PHF21B: variants seen among roughly 807,000 people sequenced by gnomAD.
The protein encoded by PHF21B is PHD finger protein 4.
In PHF21B, 22 loss-of-function variants were observed where a neutral mutation model predicts 62.2. The observed-to-expected ratio is 0.35, with a 90% CI of 0.25 to 0.51. The LOEUF (loss-of-function observed/expected upper bound fraction) is 0.51, where lower values mean the gene tolerates loss of function less well. Among genes scored for constraint, PHF21B ranks in the 20% least tolerant of loss-of-function variants. The pLI is 0.97. For synonymous variants in PHF21B, 341 were observed against 314.7 expected, an observed-to-expected ratio of 1.08 and a Z score of -0.88; for missense variants, 701 against 707.9, an observed-to-expected ratio of 0.99 and a Z score of 0.11.
chr22:44,975,111 G>C (rs1411414807), intron 2 of PHF21B, among the ~76,000 whole-genome samples: 1 of 152,098 alleles, frequency 6.6e-6, no homozygotes, highest in Non-Finnish European at 1.5e-5. Flanking sequence ...TGCACCCTTG[G>C]CTGAGGGAAG....
intron 2 of PHF21B, among the ~76,000 whole-genome samples, chr22:44,931,072 A>G (rs1184487511): frequency 1.3e-5 from 2 of 152,192 alleles, no homozygotes; most frequent in Non-Finnish European, 2.9e-5. Context: ...CTTTCTTTTC[A>G]GAGACCAGGT....
rs2072968035 is a variant in PHF21B at position 44,987,318 on chromosome 22, C to T, written c.120+21227G>A. Among the ~76,000 whole-genome samples, 3 of 151,888 alleles carry T rather than the reference C, an allele frequency of 2.0e-5. No homozygotes were observed. The South Asian group carries it at 6.2e-4, about 32-fold the overall frequency. On this transcript the variant is annotated intron_variant, in intron 2 of 12. Coordinates refer to ENST00000313237, the MANE Select transcript of PHF21B (RefSeq NM_138415.5). ...ACTAGCAAAGAGGTGAGAAGGAAGG[C>T]CAGTGGGACCCCCGGGGAGACCAAT...
chr22:44,945,401 C>CCCTAGAAA (rs1183906661), intron 2 of PHF21B, among the ~76,000 whole-genome samples: 2 of 152,162 alleles, frequency 1.3e-5, no homozygotes, highest in African/African-American at 4.8e-5. Flanking sequence ...AAGCAGCCGC[C>CCCTAGAAA]CCTAGAAATC....
chr22:44,889,733 G>C, intron 9 of PHF21B, 27 bp downstream of exon 9: 2 of 1,583,628 alleles, frequency 1.3e-6, no homozygotes, highest in Non-Finnish European at 1.7e-6. Flanking sequence ...CCCCGGAAGT[G>C]TGAAGACGGA....
chr22:44,998,444 G>A (rs2073157285), intron 2 of PHF21B, among the ~76,000 whole-genome samples: 1 of 152,172 alleles, frequency 6.6e-6, no homozygotes, highest in Non-Finnish European at 1.5e-5. Flanking sequence ...ACAGGGGCCC[G>A]ATCTTGTTCC....
intron 2 of PHF21B, among the ~76,000 whole-genome samples, chr22:45,007,261 C>A (rs1284364447): frequency 2.0e-5 from 3 of 151,956 alleles, no homozygotes; most frequent in African/African-American, 7.3e-5. Context: ...CGCCCCCTCC[C>A]ATCACTTTTT....
intron 2 of PHF21B, among the ~76,000 whole-genome samples, chr22:44,987,883 AGATGG>A (rs2072980453): frequency 1.3e-5 from 2 of 152,200 alleles, no homozygotes; most frequent in African/African-American, 4.8e-5. Flanking sequence ...GCAGGTGGGT[AGATGG>A]GATGGAAGAA....
At chr22:44,960,030 T>C (rs1247131420) in intron 2 of PHF21B, among the ~76,000 whole-genome samples, 1 of 152,202 alleles carries the variant, frequency 6.6e-6, no homozygotes, top group Non-Finnish European at 1.5e-5. Flanking sequence ...GCACCGGACG[T>C]GTCTCTAGTC....
chr22:44,980,068 CAAAAAAAAAAAA>C (rs71190605), intron 2 of PHF21B, among the ~76,000 whole-genome samples: 8 of 57,216 alleles, frequency 1.4e-4, no homozygotes, highest in Middle Eastern at 0.019. Context: ...GACTTCGTCT[CAAAAAAAAAAAA>C]AAAAAAAAAA....
At chr22:44,900,447 C>A (rs572952098) in intron 5 of PHF21B, among the ~76,000 whole-genome samples, 4 of 152,106 alleles carry the variant, frequency 2.6e-5, no homozygotes, top group African/African-American at 7.2e-5. Flanking sequence ...ATTACAGGCA[C>A]CCGCCACCAC....
At chr22:44,914,967 A>G (rs1361563403) in intron 4 of PHF21B, among the ~76,000 whole-genome samples, 1 of 152,242 alleles carries the variant, frequency 6.6e-6, no homozygotes, top group Non-Finnish European at 1.5e-5. Context: ...TCCAGGATCC[A>G]TCAGCCACAG....
At chr22:44,959,087 G>A (rs976250193) in intron 2 of PHF21B, among the ~76,000 whole-genome samples, 1 of 152,096 alleles carries the variant, frequency 6.6e-6, no homozygotes, top group Non-Finnish European at 1.5e-5. Flanking sequence ...GCCTTCTTCT[G>A]CTTCCTGCAT....
intron 2 of PHF21B, among the ~76,000 whole-genome samples, chr22:44,960,310 A>G (rs558647690): frequency 5.8e-4 from 89 of 152,288 alleles, no homozygotes; most frequent in African/African-American, 2.0e-3. Flanking sequence ...GATGACATCA[A>G]GACAATTATC....
chr22:44,894,822 A>G (rs1193314915), intron 6 of PHF21B, among the ~76,000 whole-genome samples: 1 of 152,108 alleles, frequency 6.6e-6, no homozygotes, highest in African/African-American at 2.4e-5. Flanking sequence ...CGGAGCCTGC[A>G]TGGCAGGCTG....
At chr22:44,979,820 G>T (rs1157948323) in intron 2 of PHF21B, among the ~76,000 whole-genome samples, 3 of 151,744 alleles carry the variant, frequency 2.0e-5, no homozygotes, top group African/African-American at 7.3e-5. Flanking sequence ...TGTAATCCTA[G>T]CACTTTGGGA....
intron 5 of PHF21B, among the ~76,000 whole-genome samples, chr22:44,909,472 C>T (rs759228165): frequency 1.8e-4 from 27 of 152,244 alleles, no homozygotes; most frequent in Admixed American, 3.9e-4. Flanking sequence ...ACAGAGGAGA[C>T]CTGGTTCACG....
chr22:44,981,692 G>T (rs988208516), intron 2 of PHF21B, among the ~76,000 whole-genome samples: 1 of 152,230 alleles, frequency 6.6e-6, no homozygotes, highest in African/African-American at 2.4e-5. Context: ...AAGGAGGGGA[G>T]GGAGGGGACA....
Position 45,009,588 on chromosome 22 carries a change from C to A in PHF21B, c.-39G>T, listed in dbSNP as rs1463607262. 6.6e-7 allele frequency: 1 copy of A among 1,520,464 alleles called. No homozygotes were observed. Among genetic ancestry groups the A allele is most frequent in the East Asian group, 2.6e-5 (1 of 38,470 alleles). 94.2% of individuals were successfully genotyped at this position (1,520,464 alleles called of 1,614,324 possible). ...GCAGCACTTTGCGCTCACTTTGGCCCGGGCTCCCGGGAAGTTGCGCGGCTC... is the reference window on the plus strand; with the variant it reads ...GCAGCACTTTGCGCTCACTTTGGCCAGGGCTCCCGGGAAGTTGCGCGGCTC... On this transcript the variant is annotated 5_prime_UTR_variant, in exon 1 of 13. Transcript: ENST00000313237. This position sits in a 1 kb window ranked among gnomAD's most constrained non-coding sequence, Gnocchi z 5.9.
At chr22:44,897,111 G>A (rs1163500281) in intron 5 of PHF21B, among the ~76,000 whole-genome samples, 2 of 151,932 alleles carry the variant, frequency 1.3e-5, no homozygotes, top group Non-Finnish European at 1.5e-5. Context: ...ACTCCTGGGT[G>A]CAGGCCTACC....
Sources: allele counts gnomAD v4.1 joint callset (sites outside exome capture counted in the v4.1 genomes callset), GRCh38; gene constraint gnomAD v4.1.1; non-coding constraint Gnocchi (gnomAD v3.1); transcripts MANE v1.5; gene names NCBI Gene and HGNC (gene_info 2026-07-23, HGNC 2026-07-21).